TTC28: variants seen among roughly 807,000 people sequenced by gnomAD.
The protein encoded by TTC28 is tetratricopeptide repeat domain 28, also known as tetratricopeptide repeat protein 28.
In TTC28, 61 loss-of-function variants were observed where a neutral mutation model predicts 198.0. That is an observed-to-expected ratio of 0.31 (90% CI 0.25 to 0.38). The LOEUF (loss-of-function observed/expected upper bound fraction) is 0.38, where lower values mean the gene tolerates loss of function less well. Ranked by LOEUF, TTC28 falls within the 10% of genes least tolerant of loss-of-function variation. TTC28 has a pLI of 1.00. For missense variants in TTC28, 2,678 were observed against 3,164.0 expected, an observed-to-expected ratio of 0.85 and a Z score of 3.69; for synonymous variants, 1,171 against 1,297.8, an observed-to-expected ratio of 0.90 and a Z score of 2.10.
chr22:28,569,195 T>A (rs540024350), intron 2 of TTC28, among the ~76,000 whole-genome samples: 1 of 138,080 alleles, frequency 7.2e-6, no homozygotes, highest in African/African-American at 2.8e-5. Context: ...AATAAATAAA[T>A]AAAATTCACA....
At chr22:28,159,643 A>G (rs1002743145) in intron 6 of TTC28, among the ~76,000 whole-genome samples, 1 of 149,206 alleles carries the variant, frequency 6.7e-6, no homozygotes, top group Non-Finnish European at 1.5e-5. Context: ...TGGGTGACAA[A>G]GTGAGACTCT....
At chr22:28,507,812 T>C (rs931370817) in intron 2 of TTC28, among the ~76,000 whole-genome samples, 25 of 152,122 alleles carry the variant, frequency 1.6e-4, no homozygotes, top group African/African-American at 6.0e-4. Flanking sequence ...CAAACTAAGC[T>C]TCATAAGTGA....
intron 5 of TTC28, among the ~76,000 whole-genome samples, chr22:28,225,729 T>C (rs1245748684): frequency 6.6e-6 from 1 of 152,224 alleles, no homozygotes; most frequent in Non-Finnish European, 1.5e-5. Context: ...ATAGTGAACA[T>C]ATCCCATCCA....
chr22:28,176,465 A>G (rs1923173382), intron 5 of TTC28, among the ~76,000 whole-genome samples: 1 of 152,218 alleles, frequency 6.6e-6, no homozygotes, highest in Non-Finnish European at 1.5e-5. Context: ...GTACAAAGTT[A>G]CAATTAGATG....
chr22:28,452,670 G>A (rs745979603), intron 2 of TTC28, among the ~76,000 whole-genome samples: 4 of 152,114 alleles, frequency 2.6e-5, no homozygotes, highest in Non-Finnish European at 5.9e-5. Flanking sequence ...CATTTTGTGG[G>A]GGAATGGGAC....
intron 5 of TTC28, among the ~76,000 whole-genome samples, chr22:28,190,038 TC>T (rs1412745108): frequency 6.6e-6 from 1 of 152,158 alleles, no homozygotes; most frequent in African/African-American, 2.4e-5. Context: ...GTATTGTTAT[TC>T]CCCATTTTAC....
At chr22:28,656,776 G>C (rs546476461) in intron 1 of TTC28, among the ~76,000 whole-genome samples, 3 of 151,812 alleles carry the variant, frequency 2.0e-5, no homozygotes, top group East Asian at 1.9e-4. Flanking sequence ...CGTGGAGAGA[G>C]GGGGGAAGGA....
At chr22:28,406,914 CA>C (rs2047005749) in intron 2 of TTC28, among the ~76,000 whole-genome samples, 1 of 151,700 alleles carries the variant, frequency 6.6e-6, no homozygotes, top group African/African-American at 2.4e-5. Flanking sequence ...AACAAATTTA[CA>C]AAAAACTTTA....
chr22:28,093,088 T>TA (rs1667987226), intron 12 of TTC28, among the ~76,000 whole-genome samples: 1 of 152,212 alleles, frequency 6.6e-6, no homozygotes, highest in Admixed American at 6.5e-5. Flanking sequence ...TAACTTCTGT[T>TA]AAATGAAGGG....
rs145293134 is a variant in TTC28 at position 28,437,743 on chromosome 22, C to G, written c.382-131100G>C. Among the ~76,000 whole-genome samples, 430 of 152,208 alleles carry G rather than the reference C, an allele frequency of 2.8e-3. 4 individuals are homozygous for G. The highest frequency in any genetic ancestry group is 9.9e-3 in the African/African-American group (412 of 41,532). On this transcript the variant is annotated intron_variant, in intron 2 of 22. Coordinates refer to ENST00000397906, the MANE Select transcript of TTC28 (RefSeq NM_001145418.2). ...ACACAGCTGAGACTATAGGTGTGCA[C>G]CAGTGCACCTGGCTAATTTTTGTTT... is the stretch of plus-strand genomic sequence containing the variant.
chr22:28,393,655 C>T (rs1248153036), intron 2 of TTC28, among the ~76,000 whole-genome samples: 1 of 152,152 alleles, frequency 6.6e-6, no homozygotes, highest in Non-Finnish European at 1.5e-5. Flanking sequence ...AATCATACCA[C>T]TACACTCCAG....
chr22:28,352,393 T>C (rs776495046), intron 2 of TTC28, among the ~76,000 whole-genome samples: 2 of 151,688 alleles, frequency 1.3e-5, no homozygotes, highest in Non-Finnish European at 2.9e-5. Context: ...TATAGGGCTA[T>C]TGTGGAAAGG....
chr22:28,108,308 G>C lies in TTC28; in HGVS notation c.1537C>G (p.Gln513Glu). The change falls in exon 7 of 23, where the codon CAG becomes GAG. Residue 513 changes from glutamine (Q) to glutamate (E), a missense_variant. By Grantham distance (29) the Gln-to-Glu change is conservative (BLOSUM62 2). Around this residue, in one of 8 missense-constraint regions of TTC28, gnomAD observed 775 missense variants for 845.9 expected, o/e 0.92. Coordinates refer to ENST00000397906, the MANE Select transcript of TTC28 (RefSeq NM_001145418.2). ...IAQELSDYAA[Q>E]GRAYGNMGNA... The stretch of plus-strand genomic sequence containing the variant: ...CCCATATTCCCATAGGCACGGCCCT[G>C]GGCAGCATAATCACTCAGCTCCTGG... 1 of 1,533,814 alleles carries C rather than the reference G, an allele frequency of 6.5e-7. No individual in the cohort carries two copies. The highest frequency in any genetic ancestry group is 2.0e-5 in the Admixed American group (1 of 50,196).
At chr22:28,426,228 A>AAG (rs2047349039) in intron 2 of TTC28, among the ~76,000 whole-genome samples, 1 of 151,272 alleles carries the variant, frequency 6.6e-6, no homozygotes, top group Admixed American at 6.6e-5. Context: ...AAAAAAAAAA[A>AAG]AAAGAAAGAA....
chr22:28,343,201 A>G (rs1233290964), intron 2 of TTC28, among the ~76,000 whole-genome samples: 1 of 152,214 alleles, frequency 6.6e-6, no homozygotes, highest in Non-Finnish European at 1.5e-5. Context: ...TTAGACAGAA[A>G]AAAATAGACG....
intron 2 of TTC28, among the ~76,000 whole-genome samples, chr22:28,611,418 C>A (rs1174181917): frequency 6.6e-6 from 1 of 151,904 alleles, no homozygotes; most frequent in Non-Finnish European, 1.5e-5. Flanking sequence ...ATTCAACATT[C>A]TTAAAGAAAA....
intron 2 of TTC28, among the ~76,000 whole-genome samples, chr22:28,614,568 A>G (rs1299702958): frequency 1.3e-5 from 2 of 152,206 alleles, no homozygotes; most frequent in African/African-American, 4.8e-5. Flanking sequence ...AGTAACCAAA[A>G]CAGCATGGTA....
rs1569171502 is a variant in TTC28 at position 28,163,364 on chromosome 22, T to C, written c.1169A>G (p.Lys390Arg). The change falls in exon 6 of 23, where the codon AAG becomes AGG. Residue 390 changes from lysine (K) to arginine (R), a missense_variant. By Grantham distance (26) the Lys-to-Arg change is conservative. This residue lies in a region of TTC28 where 775 missense variants were observed against 845.9 expected (regional missense o/e 0.92). Coordinates refer to ENST00000397906, the MANE Select transcript of TTC28 (RefSeq NM_001145418.2). ...HLKIAKDLGN[K>R]REEARAYSNL... ...GCTATAAGCCCGGGCCTCTTCTCGC[T>C]TGTTCCCCAGGTCCTTGGCTATCTT... 1.5e-5 allele frequency: 23 copies of C among 1,552,088 alleles called. No individual in the cohort carries two copies. The East Asian group carries it at 4.6e-4, about 31-fold the overall frequency.
At chr22:28,551,161 C>A (rs1248925227) in intron 2 of TTC28, among the ~76,000 whole-genome samples, 3 of 151,954 alleles carry the variant, frequency 2.0e-5, no homozygotes, top group South Asian at 4.2e-4. Flanking sequence ...AAATATACAA[C>A]CCTCCTAGAT....
Sources: allele counts gnomAD v4.1 joint callset (sites outside exome capture counted in the v4.1 genomes callset), GRCh38; gene constraint gnomAD v4.1.1; regional missense constraint gnomAD v4.1.1; transcripts MANE v1.5; gene names NCBI Gene and HGNC (gene_info 2026-07-23, HGNC 2026-07-21).